The following CHIA variants were observed in gnomAD, a reference collection of about 807,000 sequenced individuals.
CHIA encodes acidic mammalian chitinase.
A neutral mutation model predicts 53.5 loss-of-function variants in CHIA; 47 were observed. That is an observed-to-expected ratio of 0.88 (90% CI 0.70 to 1.12). CHIA has a LOEUF of 1.12. Among genes scored for constraint, CHIA ranks in the 50% most tolerant of loss-of-function variants. The pLI, the probability that CHIA is intolerant of heterozygous loss-of-function variation, is 0.00. For missense variants in CHIA, 652 were observed against 592.2 expected (o/e 1.10, Z -1.05); for synonymous variants, 268 against 222.2 (o/e 1.21, Z -1.83).
chr1:111,308,480 T>C (rs1387572707), intron 1 of CHIA, among the ~76,000 whole-genome samples: 3 of 152,188 alleles, frequency 2.0e-5, no homozygotes, highest in East Asian at 3.8e-4. Flanking sequence ...ATCAGCAAAA[T>C]TGGTGTGATA....
chr1:111,311,626 A>G, intron 2 of CHIA, 63 bp from the exon 3 acceptor site: 1 of 1,580,086 alleles, frequency 6.3e-7, no homozygotes, highest in Non-Finnish European at 8.7e-7. Flanking sequence ...TCAATCCTTC[A>G]GAATTAGATT....
At chr1:111,306,927 T>C (rs1648228366) in intron 1 of CHIA, among the ~76,000 whole-genome samples, 1 of 152,222 alleles carries the variant, frequency 6.6e-6, no homozygotes, top group Non-Finnish European at 1.5e-5. Context: ...ATGATTAAGT[T>C]TTGGCAATTT....
chr1:111,302,982 A>G (rs577697537), intron 1 of CHIA, among the ~76,000 whole-genome samples: 140 of 152,226 alleles, frequency 9.2e-4, no homozygotes, highest in African/African-American at 3.2e-3. Flanking sequence ...TTGCTGTATT[A>G]AACCTTGTAT....
rs1295915362 is a variant in CHIA at position 111,319,015 on chromosome 1, T to C, written c.916-105T>C. 4.9e-6 allele frequency: 7 copies of C among 1,439,074 alleles called. No individual in the cohort carries two copies. In the Admixed American group the frequency reaches 1.9e-4, roughly 38 times the overall value. The allele number at this position is 1,439,074 out of a possible 1,614,324, so 89.1% of individuals were successfully genotyped here. ...ACAAATAAAAACCTGTAACTAGAAATTGAGCAAAACCCCAACTGGAGACAT... is the reference window on the plus strand; with the variant it reads ...ACAAATAAAAACCTGTAACTAGAAACTGAGCAAAACCCCAACTGGAGACAT... On this transcript the variant is annotated intron_variant, in intron 9 of 11. Transcript: ENST00000369740.
At position 111,314,594 on chromosome 1, in the gene CHIA, C is replaced by T. The variant is rs749213820; in HGVS notation, c.312C>T (p.Ala104=). 1.9e-6 allele frequency: 3 copies of T among 1,611,596 alleles called. No homozygotes were observed. The highest frequency in any genetic ancestry group is 4.5e-5 in the East Asian group (2 of 44,872). The part of the protein sequence containing the change: ...LAIGGWNFGT[A]PFTAMVSTPE... ...TTGGAGGCTGGAACTTCGGGACTGC[C>T]CCGTAAGTCTTCTATGGAGAGCATG... is the stretch of plus-strand genomic sequence containing the variant. Residue 104 remains alanine (A), a splice_region_variant and synonymous_variant, in exon 5 of 12, where the codon GCC becomes GCT. Transcript: ENST00000369740.
chr1:111,313,351 G>A (rs1165168701), intron 4 of CHIA, among the ~76,000 whole-genome samples: 1 of 152,110 alleles, frequency 6.6e-6, no homozygotes, highest in Non-Finnish European at 1.5e-5. Context: ...ATTCTAAGCG[G>A]ATTGAGTGGT....
intron 1 of CHIA, among the ~76,000 whole-genome samples, chr1:111,305,791 A>AGGAGAATTGGAATATTG (rs1648132371): frequency 6.6e-6 from 1 of 152,220 alleles, no homozygotes; most frequent in Non-Finnish European, 1.5e-5. Context: ...CTTTAAGCTA[A>AGGAGAATTGGAATATTG]GCATATTGGA....
Position 111,315,290 on chromosome 1 carries a change from C to T in CHIA, c.335C>T (p.Thr112Ile), listed in dbSNP as rs1450370991. 1 of 1,612,392 alleles carries T rather than the reference C, an allele frequency of 6.2e-7. No homozygotes were observed. The highest frequency in any genetic ancestry group is 1.3e-5 in the African/African-American group (1 of 74,980). Residue 112 changes from threonine to isoleucine, a missense_variant, in exon 6 of 12, where the codon ACT becomes ATT. Coordinates refer to ENST00000369740, the MANE Select transcript of CHIA (RefSeq NM_201653.4). ...CTCAGTTTCACTGCCATGGTTTCTA[C>T]TCCTGAGAACCGCCAGACTTTCATC... ...GTAPFTAMVS[T>I]PENRQTFITS...
chr1:111,304,673 A>G (rs1648034557), intron 1 of CHIA, among the ~76,000 whole-genome samples: 1 of 152,132 alleles, frequency 6.6e-6, no homozygotes, highest in Non-Finnish European at 1.5e-5. Flanking sequence ...TCCTTTTTTT[A>G]GAGCATATTC....
chr1:111,291,733 G>T (rs1030091516), intron 1 of CHIA, among the ~76,000 whole-genome samples: 1 of 146,756 alleles, frequency 6.8e-6, no homozygotes, highest in African/African-American at 2.5e-5. Flanking sequence ...ATTTCCAAAT[G>T]AATTAGTATT....
intron 1 of CHIA, among the ~76,000 whole-genome samples, chr1:111,308,629 C>A (rs189340257): frequency 7.6e-4 from 116 of 152,124 alleles, no homozygotes; most frequent in African/African-American, 2.7e-3. Flanking sequence ...AATGTAAATC[C>A]AAGTGCCCTG....
In CHIA at chr1:111,299,699, C is replaced by T. The variant is rs1344658960; in HGVS notation, c.-69+8749C>T. 5.9e-5 allele frequency among the ~76,000 whole-genome samples: 9 copies of T among 152,218 alleles called. No homozygotes were observed. The East Asian group carries it at 1.7e-3, about 29-fold the overall frequency. On this transcript the variant is annotated intron_variant, in intron 1 of 11. Transcript: ENST00000369740. ...GGCATAAGACAGGGATGCCCTCTCT[C>T]ACTACTCCTATTCAACATAGTGTTT...
In CHIA at chr1:111,318,611, C is replaced by T. The variant is rs150309903; in HGVS notation, c.848C>T (p.Ala283Val). ...LSNPSNTGIG[A>V]PTSGAGPAGP... is the part of the protein sequence containing the mutation. ...AACCCCTCCAACACTGGAATTGGTG[C>T]CCCCACCTCTGGTGCTGGTCCTGCT... The change falls in exon 9 of 12, where the codon GCC becomes GTC. Residue 283 changes from alanine (A) to valine (V), a missense_variant. By Grantham distance (64) the Ala-to-Val change is moderately conservative. Coordinates refer to ENST00000369740, the MANE Select transcript of CHIA (RefSeq NM_201653.4). 30 of 1,614,172 alleles carry T rather than the reference C, an allele frequency of 1.9e-5. No homozygotes were observed. The highest frequency in any genetic ancestry group is 1.3e-4 in the Admixed American group (8 of 60,020).
At chr1:111,314,203 T>C (rs1648949932) in intron 4 of CHIA, among the ~76,000 whole-genome samples, 1 of 151,778 alleles carries the variant, frequency 6.6e-6, no homozygotes, top group South Asian at 2.1e-4. Flanking sequence ...AAAAATGTAA[T>C]TAAGCTCAAG....
At chr1:111,318,455 G>T in intron 8 of CHIA, 38 bp from the exon 9 acceptor site, 14 of 1,571,610 alleles carry the variant, frequency 8.9e-6, no homozygotes, top group Non-Finnish European at 1.1e-5. Flanking sequence ...TGGGTCCTCA[G>T]CTGGTTGGGC....
intron 1 of CHIA, among the ~76,000 whole-genome samples, chr1:111,297,750 A>T (rs1302497646): frequency 6.6e-6 from 1 of 152,138 alleles, no homozygotes; most frequent in Non-Finnish European, 1.5e-5. Flanking sequence ...TAAATGGGCT[A>T]ACTGCCCCAA....
intron 1 of CHIA, among the ~76,000 whole-genome samples, chr1:111,293,739 G>A (rs1173939691): frequency 6.6e-6 from 1 of 152,086 alleles, no homozygotes; most frequent in Non-Finnish European, 1.5e-5. Context: ...TTAGGCCATT[G>A]ATCTATTTTG....
chr1:111,297,486 G>A (rs1356117717), intron 1 of CHIA, among the ~76,000 whole-genome samples: 1 of 152,106 alleles, frequency 6.6e-6, no homozygotes, highest in East Asian at 1.9e-4. Context: ...AGCTTCATAA[G>A]TGAAGGAGAA....
At chr1:111,294,616 T>C (rs1661231285) in intron 1 of CHIA, among the ~76,000 whole-genome samples, 1 of 152,242 alleles carries the variant, frequency 6.6e-6, no homozygotes, top group South Asian at 2.1e-4. Flanking sequence ...TCTTATCTTG[T>C]TGCTGATCTT....
Sources: allele counts gnomAD v4.1 joint callset (sites outside exome capture counted in the v4.1 genomes callset), GRCh38; gene constraint gnomAD v4.1.1; transcripts MANE v1.5; gene names NCBI Gene and HGNC (gene_info 2026-07-23, HGNC 2026-07-21).